Variants in XNDC1N observed in about 807,000 individuals in gnomAD.
XNDC1N encodes the protein XRCC1 N-terminal domain containing 1, N-terminal like, also known as protein XNDC1N.
the XNDC1N span, among the ~76,000 whole-genome samples, chr11:71,874,349 G>T: frequency 6.6e-6 from 1 of 152,086 alleles, no homozygotes; most frequent in African/African-American, 2.4e-5. Context: ...AAATAAAAGA[G>T]ATATTTTAAA....
the XNDC1N span, among the ~76,000 whole-genome samples, chr11:71,884,875 C>G: frequency 1.3e-5 from 2 of 151,270 alleles, no homozygotes; most frequent in Non-Finnish European, 2.9e-5. Flanking sequence ...TGAGGCACCA[C>G]CAGCGATGCT....
the XNDC1N span, among the ~76,000 whole-genome samples, chr11:71,889,841 A>G: frequency 2.9e-3 from 443 of 152,276 alleles, 3 homozygotes; most frequent in Middle Eastern, 0.031. Flanking sequence ...GTTCTTGGGC[A>G]TACCTACTCT....
At chr11:71,919,069 C>G in the XNDC1N span, 1 of 697,316 alleles carries the variant, frequency 1.4e-6, no homozygotes, top group South Asian at 1.5e-5. Context: ...TCACTGCGCC[C>G]AAGGGAAAAA....
At chr11:71,896,104 C>T in the XNDC1N span, among the ~76,000 whole-genome samples, 3 of 152,192 alleles carry the variant, frequency 2.0e-5, no homozygotes, top group African/African-American at 7.2e-5. Flanking sequence ...ATGATGAAAC[C>T]CCGTCTCCAC....
chr11:71,906,399 T>C, the XNDC1N span, among the ~76,000 whole-genome samples: 1 of 151,922 alleles, frequency 6.6e-6, no homozygotes, highest in African/African-American at 2.4e-5. Flanking sequence ...AAGAGTACAA[T>C]TGCACTAGGA....
chr11:71,872,584 T>C, the XNDC1N span, among the ~76,000 whole-genome samples: 30,828 of 151,512 alleles, frequency 0.2, 5,874 homozygotes, highest in African/African-American at 0.5. Context: ...AAAAAATAGC[T>C]GGGCGTGGTG....
At chr11:71,870,457 G>A in the XNDC1N span, among the ~76,000 whole-genome samples, 4 of 152,154 alleles carry the variant, frequency 2.6e-5, no homozygotes, top group African/African-American at 9.6e-5. Context: ...ACTTGACATT[G>A]GACATCTTAA....
At chr11:71,909,996 AC>A in the XNDC1N span, among the ~76,000 whole-genome samples, 1 of 152,176 alleles carries the variant, frequency 6.6e-6, no homozygotes, top group Non-Finnish European at 1.5e-5. Context: ...GGCCAAGAGT[AC>A]GGGCAGAAGA....
chr11:71,885,366 C>G, the XNDC1N span, among the ~76,000 whole-genome samples: 4 of 152,082 alleles, frequency 2.6e-5, no homozygotes, highest in African/African-American at 4.8e-5. Context: ...ATATATAGTC[C>G]TATCAGCCCC....
chr11:71,893,578 G>A, the XNDC1N span: 2 of 1,005,606 alleles, frequency 2.0e-6, no homozygotes, highest in Non-Finnish European at 3.2e-6. Flanking sequence ...CATGCATCTG[G>A]TCATGGTGCT....
At chr11:71,891,125 C>A in the XNDC1N span, among the ~76,000 whole-genome samples, 7 of 152,036 alleles carry the variant, frequency 4.6e-5, no homozygotes, top group Non-Finnish European at 1.0e-4. Flanking sequence ...AACAATATTA[C>A]AGGAGGGGTG....
chr11:71,910,249 A>T, the XNDC1N span, among the ~76,000 whole-genome samples: 1 of 152,210 alleles, frequency 6.6e-6, no homozygotes, highest in Non-Finnish European at 1.5e-5. Flanking sequence ...CTGACTTTAC[A>T]TCCAACAGTA....
At chr11:71,872,601 G>A in the XNDC1N span, among the ~76,000 whole-genome samples, 4 of 152,022 alleles carry the variant, frequency 2.6e-5, no homozygotes, top group African/African-American at 4.8e-5. Context: ...GGTGGCGGGC[G>A]CCTGTAATCC....
chr11:71,921,219 A>G, the XNDC1N span, among the ~76,000 whole-genome samples: 1 of 151,976 alleles, frequency 6.6e-6, no homozygotes. Context: ...CAGTCGCATA[A>G]TCACAGCTCA....
At chr11:71,896,326 G>C in the XNDC1N span, among the ~76,000 whole-genome samples, 1 of 152,158 alleles carries the variant, frequency 6.6e-6, no homozygotes, top group Admixed American at 6.5e-5. Context: ...GTATAAAGAT[G>C]GTTAGCAGAC....
the XNDC1N span, among the ~76,000 whole-genome samples, chr11:71,907,161 A>C: frequency 2.9e-3 from 438 of 152,020 alleles, no homozygotes; most frequent in African/African-American, 9.9e-3. Context: ...GTTTCACCAC[A>C]TTATCACGAA....
At chr11:71,905,419 C>T in the XNDC1N span, among the ~76,000 whole-genome samples, 2 of 142,090 alleles carry the variant, frequency 1.4e-5, no homozygotes, top group East Asian at 4.6e-4. Flanking sequence ...AAAAGTAACA[C>T]CCCCCCTAGA....
the XNDC1N span, among the ~76,000 whole-genome samples, chr11:71,889,723 G>A: frequency 3.3e-5 from 5 of 152,182 alleles, no homozygotes; most frequent in Admixed American, 2.6e-4. Context: ...TATGAGGCAA[G>A]GTCTAGCTGT....
the XNDC1N span, among the ~76,000 whole-genome samples, chr11:71,873,997 G>A: frequency 6.6e-6 from 1 of 152,156 alleles, no homozygotes; most frequent in African/African-American, 2.4e-5. Context: ...CAATGACAGG[G>A]GAAGTGAACA....
Sources: allele counts gnomAD v4.1 joint callset (sites outside exome capture counted in the v4.1 genomes callset), GRCh38; gene constraint gnomAD v4.1.1; transcripts MANE v1.5; gene names NCBI Gene and HGNC (gene_info 2026-07-23, HGNC 2026-07-21).